The following FANCC variants were observed in gnomAD, a reference collection of about 807,000 sequenced individuals.
The protein encoded by FANCC is Fanconi anemia group C protein.
FANCC carries 55 observed loss-of-function variants against 71.3 expected under a neutral mutation model. The ratio of observed to expected loss-of-function variants is 0.77; its 90% CI spans 0.62 to 0.97. FANCC has a LOEUF of 0.97. FANCC is among the 50% of genes least tolerant of loss of function. The pLI is 0.00. For missense variants in FANCC, 678 were observed against 670.9 expected, an observed-to-expected ratio of 1.01 and a Z score of -0.12; for synonymous variants, 275 against 244.9, an observed-to-expected ratio of 1.12 and a Z score of -1.15.
In FANCC at chr9:95,110,273, T is replaced by A. The variant is rs905653118; in HGVS notation, c.1329+1190A>T. On this transcript the variant is annotated intron_variant, in intron 13 of 14. Transcript: ENST00000289081. Reference sequence around the variant, plus strand: ...TTTCTTTATACTTCAAAAGTGATTCTCTGTCAGTAACCTTTTGACTGTGAT... The same window carrying A: ...TTTCTTTATACTTCAAAAGTGATTCACTGTCAGTAACCTTTTGACTGTGAT... 14 of 1,011,318 alleles carry A rather than the reference T, an allele frequency of 1.4e-5. No homozygotes were observed. In the African/African-American group the frequency reaches 2.4e-4, roughly 17 times the overall value. 62.6% of individuals were successfully genotyped at this position (1,011,318 alleles called of 1,614,324 possible).
chr9:95,193,116 C>T (rs1297729220), intron 4 of FANCC, among the ~76,000 whole-genome samples: 4 of 152,004 alleles, frequency 2.6e-5, no homozygotes, highest in Non-Finnish European at 4.4e-5. Context: ...GAAGAGGCAA[C>T]GAACACATAT....
At position 95,153,479 on chromosome 9, in the gene FANCC, T is replaced by A. The variant is rs575610837; in HGVS notation, c.522-3392A>T. On this transcript the variant is annotated intron_variant, in intron 6 of 14. Transcript: ENST00000289081. ...TATTCCCACCAGCAGGTATAAGTGT[T>A]CTCTTTTCCCCACATCCATGCCAAC... Among the ~76,000 whole-genome samples, 7 of 152,330 alleles carry A rather than the reference T, an allele frequency of 4.6e-5. No homozygotes were observed. In the South Asian group the frequency reaches 1.4e-3, roughly 32 times the overall value.
rs58961733 is a variant in FANCC at position 95,208,077 on chromosome 9, CTTTTTTTTTTTTTTTTTTTTTTT to C, written c.345+32549_345+32571del. Among the ~76,000 whole-genome samples the C allele has an allele frequency of 8.2e-4, 39 of 47,656 alleles. No individual in the cohort carries two copies. In the South Asian group the frequency reaches 0.03, roughly 36 times the overall value. The allele number at this position is 47,656 out of a possible 152,430, so 31.3% of individuals were successfully genotyped here. ...AAATGCCTTCTGCTAATCCAGAAGC[CTTTTTTTTTTTTTTTTTTTTTTT>C]TTTTTTTTTTTTTTGTGATGGAGTT... On this transcript the variant is annotated intron_variant, in intron 4 of 14. Coordinates refer to ENST00000289081, the MANE Select transcript of FANCC (RefSeq NM_000136.3).
intron 11 of FANCC, among the ~76,000 whole-genome samples, chr9:95,116,524 G>T (rs2072434949): frequency 6.6e-6 from 1 of 152,170 alleles, no homozygotes; most frequent in Non-Finnish European, 1.5e-5. Flanking sequence ...GGCCCAAAAT[G>T]GCATAAAAAG....
At chr9:95,258,354 C>T (rs1831800738) in intron 1 of FANCC, among the ~76,000 whole-genome samples, 1 of 152,218 alleles carries the variant, frequency 6.6e-6, no homozygotes, top group Non-Finnish European at 1.5e-5. Flanking sequence ...ATCAAGTCGG[C>T]TTCATCCCTG....
chr9:95,160,425 CT>C lies in FANCC; in HGVS notation c.522-10339del, dbSNP rs200701863. On this transcript the variant is annotated intron_variant, in intron 6 of 14. Transcript: ENST00000289081. The stretch of plus-strand genomic sequence containing the variant: ...TACCAGTACCATGCTGTTTTGGTTA[CT>C]ACAGACTTGTAGTACAGTTTGAAGT... Among the ~76,000 whole-genome samples, 507 of 152,312 alleles carry C rather than the reference CT, an allele frequency of 3.3e-3. 9 individuals carry two copies. The East Asian group carries it at 0.043, about 13-fold the overall frequency.
intron 6 of FANCC, among the ~76,000 whole-genome samples, chr9:95,154,845 C>T (rs1328189804): frequency 6.6e-6 from 1 of 151,970 alleles, no homozygotes; most frequent in Non-Finnish European, 1.5e-5. Context: ...TTTTCCATGA[C>T]ATAAGTGTTT....
At chr9:95,248,004 TA>T (rs1176262374) in intron 2 of FANCC, among the ~76,000 whole-genome samples, 1 of 152,114 alleles carries the variant, frequency 6.6e-6, no homozygotes, top group Non-Finnish European at 1.5e-5. Context: ...TAAAAAGAAA[TA>T]AAAGCAGCCA....
At chr9:95,310,922 A>G (rs953452401) in intron 1 of FANCC, among the ~76,000 whole-genome samples, 3 of 152,242 alleles carry the variant, frequency 2.0e-5, no homozygotes, top group Non-Finnish European at 2.9e-5. Context: ...AGGAAAAGTC[A>G]TTATGCATAA....
chr9:95,130,024 T>C (rs1376949852), intron 8 of FANCC, among the ~76,000 whole-genome samples: 1 of 151,996 alleles, frequency 6.6e-6, no homozygotes, highest in East Asian at 1.9e-4. Flanking sequence ...AAAGTCAACA[T>C]GGAATCAACA....
At chr9:95,285,309 A>C (rs917584664) in intron 1 of FANCC, among the ~76,000 whole-genome samples, 29 of 152,242 alleles carry the variant, frequency 1.9e-4, no homozygotes, top group African/African-American at 6.7e-4. Context: ...CTAATATCCA[A>C]AACAGCAAAC....
intron 4 of FANCC, among the ~76,000 whole-genome samples, chr9:95,200,335 A>G (rs1827729161): frequency 6.6e-6 from 1 of 152,208 alleles, no homozygotes; most frequent in Admixed American, 6.5e-5. Context: ...GGGATATAAT[A>G]ATAGTTCCTA....
At chr9:95,151,491 TAAAAC>T (rs1357341929) in intron 6 of FANCC, among the ~76,000 whole-genome samples, 2 of 152,222 alleles carry the variant, frequency 1.3e-5, no homozygotes, top group African/African-American at 4.8e-5. Flanking sequence ...TGCCTATTAT[TAAAAC>T]AAACATGTTC....
intron 6 of FANCC, among the ~76,000 whole-genome samples, chr9:95,159,788 G>A (rs1300907396): frequency 1.3e-5 from 2 of 152,202 alleles, no homozygotes; most frequent in African/African-American, 2.4e-5. Context: ...GACCAGTGAT[G>A]ATGAGCATTT....
intron 3 of FANCC, among the ~76,000 whole-genome samples, chr9:95,241,205 T>C (rs946705118): frequency 2.6e-5 from 4 of 152,242 alleles, no homozygotes; most frequent in African/African-American, 7.2e-5. Context: ...AGCCAGTATT[T>C]GTGATTTAAT....
At chr9:95,209,278 C>T (rs538158703) in intron 4 of FANCC, among the ~76,000 whole-genome samples, 3 of 152,242 alleles carry the variant, frequency 2.0e-5, no homozygotes, top group South Asian at 2.1e-4. Flanking sequence ...AGTGAAACTA[C>T]GCTGTATGAT....
rs114776125 is a variant in FANCC at position 95,284,917 on chromosome 9, C to T, written c.-79+32609G>A. Among the ~76,000 whole-genome samples, 857 of 151,154 alleles carry T rather than the reference C, an allele frequency of 5.7e-3. 9 individuals are homozygous for T. The highest frequency in any genetic ancestry group is 0.02 in the African/African-American group (807 of 41,174). On this transcript the variant is annotated intron_variant, in intron 1 of 14. Transcript: ENST00000289081. ...ACACACACACACAAACATACGCATG[C>T]GCACACGCACAGAGAGAGACACGCA... is the stretch of plus-strand genomic sequence containing the variant.
chr9:95,191,879 T>C (rs137949715), intron 4 of FANCC, among the ~76,000 whole-genome samples: 2,518 of 152,282 alleles, frequency 0.017, 32 homozygotes, highest in Middle Eastern at 0.027. Flanking sequence ...CCAGCCACCA[T>C]GATCTCTCAC....
chr9:95,099,230 G>A lies in FANCC; in HGVS notation c.*2477C>T. The A allele has an allele frequency of 4.6e-6, 1 of 218,458 alleles. No individual in the cohort carries two copies. Among genetic ancestry groups the A allele is most frequent in the Non-Finnish European group, 9.2e-6 (1 of 108,878 alleles). The allele number at this position is 218,458 out of a possible 1,614,324, so 13.5% of individuals were successfully genotyped here. The stretch of plus-strand genomic sequence containing the variant: ...CTCTCTGAGGGTAGTGGTTTTACCA[G>A]CATGCTTTATCAAAAACTAAACTAT... On this transcript the variant is annotated 3_prime_UTR_variant, in exon 15 of 15. Coordinates refer to ENST00000289081, the MANE Select transcript of FANCC (RefSeq NM_000136.3).
Sources: gnomAD v4.1 joint callset for allele counts (sites outside exome capture counted in the v4.1 genomes callset) on GRCh38, gnomAD v4.1.1 for gene constraint, MANE v1.5 for transcripts, NCBI Gene and HGNC (gene_info 2026-07-23, HGNC 2026-07-21) for gene names.